SACM1L: variants seen among roughly 807,000 people sequenced by gnomAD.
SACM1L encodes SAC1 like phosphatidylinositide phosphatase, also known as phosphatidylinositol-3-phosphatase SAC1.
SACM1L carries 32 observed loss-of-function variants against 89.5 expected under a neutral mutation model. The observed-to-expected ratio is 0.36, with a 90% CI of 0.27 to 0.48. SACM1L has a LOEUF of 0.48. Ranked by LOEUF, SACM1L falls within the 20% of genes least tolerant of loss-of-function variation. The probability of loss-of-function intolerance (pLI) is 0.99; values close to 1 mark genes in which losing one functional copy is unlikely to be tolerated. For synonymous variants in SACM1L, 213 were observed against 232.8 expected, an observed-to-expected ratio of 0.92 and a Z score of 0.77; for missense variants, 543 against 708.5, an observed-to-expected ratio of 0.77 and a Z score of 2.65.
In SACM1L at chr3:45,744,399, A is replaced by G. The variant is rs1028440790; in HGVS notation, c.*730A>G. ...GAATGTAAAGTCTATCTCTTACGCT[A>G]GAGGTCCAAAGCTGCCTCTGTTTTA... is the stretch of plus-strand genomic sequence containing the variant. On this transcript the variant is annotated 3_prime_UTR_variant, in exon 20 of 20. Transcript: ENST00000389061. 3.3e-5 allele frequency: 5 copies of G among 152,676 alleles called. No homozygotes were observed. Among genetic ancestry groups the G allele is most frequent in the African/African-American group, 1.2e-4 (5 of 41,462 alleles). 9.5% of individuals were successfully genotyped at this position (152,676 alleles called of 1,614,324 possible).
At chr3:45,728,770 T>C (rs1200921256) in intron 11 of SACM1L, among the ~76,000 whole-genome samples, 1 of 152,184 alleles carries the variant, frequency 6.6e-6, no homozygotes, top group Non-Finnish European at 1.5e-5. Context: ...ACTCCTGGGC[T>C]GAAGGAATCC....
At chr3:45,689,574 C>T (rs1040213992) in intron 1 of SACM1L, 77 bp downstream of exon 1, 1 of 1,482,888 alleles carries the variant, frequency 6.7e-7, no homozygotes, top group African/African-American at 1.4e-5. Context: ...GGGAGGGCTT[C>T]TGAGTCCCGG....
intron 10 of SACM1L, among the ~76,000 whole-genome samples, 181 bp downstream of exon 10, chr3:45,723,136 A>C (rs1698827430): frequency 6.6e-6 from 1 of 152,216 alleles, no homozygotes; most frequent in Non-Finnish European, 1.5e-5. Context: ...GCATGTTAGA[A>C]ATATAGAAAA....
At chr3:45,722,156 T>C in intron 9 of SACM1L, 71 bp downstream of exon 9, 1 of 898,412 alleles carries the variant, frequency 1.1e-6, no homozygotes, top group South Asian at 1.6e-5. Context: ...TTCTGTCATG[T>C]TGAAATTTCC....
At chr3:45,719,405 C>G (rs1173144765) in intron 7 of SACM1L, 95 bp from the exon 8 acceptor site, 1 of 641,100 alleles carries the variant, frequency 1.6e-6, no homozygotes, top group African/African-American at 1.9e-5. Flanking sequence ...CATTTTTTCT[C>G]TTAAAGACCA....
At chr3:45,724,868 G>A (rs1455300625) in intron 11 of SACM1L, among the ~76,000 whole-genome samples, 2 of 152,048 alleles carry the variant, frequency 1.3e-5, no homozygotes, top group Non-Finnish European at 2.9e-5. Flanking sequence ...TTTTGTATAT[G>A]GTGTAGGTGT....
chr3:45,740,404 A>C (rs1474847544), intron 19 of SACM1L, among the ~76,000 whole-genome samples: 2 of 152,200 alleles, frequency 1.3e-5, no homozygotes, highest in African/African-American at 4.8e-5. Context: ...TTTGGGGCCC[A>C]CAAGGAATTT....
chr3:45,710,620 G>T (rs1056931395), intron 5 of SACM1L, among the ~76,000 whole-genome samples: 2 of 145,966 alleles, frequency 1.4e-5, no homozygotes, highest in African/African-American at 5.1e-5. Context: ...ATTTTTTTTT[G>T]ACACACCTTA....
At chr3:45,741,367 C>T (rs1463415579) in intron 19 of SACM1L, among the ~76,000 whole-genome samples, 1 of 152,206 alleles carries the variant, frequency 6.6e-6, no homozygotes, top group Admixed American at 6.5e-5. Context: ...GGTGGTATAC[C>T]TCTTTGGTGT....
intron 14 of SACM1L, 48 bp from the exon 15 acceptor site, chr3:45,737,535 C>G: frequency 1.3e-6 from 2 of 1,537,494 alleles, no homozygotes; most frequent in Middle Eastern, 1.8e-4. Context: ...TAAACCATGT[C>G]TGCTAAAATC....
At chr3:45,727,500 T>C (rs1217222069) in intron 11 of SACM1L, among the ~76,000 whole-genome samples, 3 of 152,230 alleles carry the variant, frequency 2.0e-5, no homozygotes, top group Admixed American at 1.3e-4. Flanking sequence ...TTGGGTACAG[T>C]AATATGGTCT....
rs1157736846 is a variant in SACM1L at position 45,721,736 on chromosome 3, T to C, written c.680-264T>C. 3.3e-5 allele frequency among the ~76,000 whole-genome samples: 5 copies of C among 152,322 alleles called. No individual in the cohort carries two copies. In the East Asian group the frequency reaches 7.7e-4, roughly 23 times the overall value. On this transcript the variant is annotated intron_variant, in intron 8 of 19. Transcript: ENST00000389061. ...CACTACTTTAGAGGAATTTTGTATG[T>C]AGAAACAATGTATTTAAGAGCAACC...
intron 4 of SACM1L, among the ~76,000 whole-genome samples, chr3:45,709,168 C>T (rs1008371651): frequency 6.6e-6 from 1 of 152,176 alleles, no homozygotes; most frequent in Non-Finnish European, 1.5e-5. Flanking sequence ...TTGGAAAATA[C>T]CTGGCACACA....
At chr3:45,735,858 AT>A (rs1472938182) in intron 14 of SACM1L, among the ~76,000 whole-genome samples, 1 of 152,056 alleles carries the variant, frequency 6.6e-6, no homozygotes, top group Admixed American at 6.6e-5. Flanking sequence ...AGCATTTGAT[AT>A]TTTAATTTTT....
intron 19 of SACM1L, among the ~76,000 whole-genome samples, chr3:45,741,739 T>G (rs1699320729): frequency 6.6e-6 from 1 of 152,244 alleles, no homozygotes; most frequent in African/African-American, 2.4e-5. Flanking sequence ...AAAATTTTTC[T>G]GTAAAGAGCC....
Position 45,737,612 on chromosome 3 carries a change from G to A in SACM1L, c.1269G>A (p.Lys423=). The A allele has an allele frequency of 6.3e-7, 1 of 1,595,882 alleles. No individual in the cohort carries two copies. The highest frequency in any genetic ancestry group is 8.5e-7 in the Non-Finnish European group (1 of 1,175,832). The stretch of plus-strand genomic sequence containing the variant: ...TAGGAGTTTTGCATGTGGGACAAAA[G>A]CTTGAAGAACAAGATGAATTTGAGA... ...QRLGVLHVGQ[K]LEEQDEFEKI... is the part of the protein sequence containing the mutation. Residue 423 remains lysine (K), a synonymous_variant, in exon 15 of 20, where the codon AAG becomes AAA. Coordinates refer to ENST00000389061, the MANE Select transcript of SACM1L (RefSeq NM_014016.5).
Position 45,709,604 on chromosome 3 carries a change from C to T in SACM1L, c.440C>T (p.Ser147Phe). 1 of 1,613,826 alleles carries T rather than the reference C, an allele frequency of 6.2e-7. No individual in the cohort carries two copies. The highest frequency in any genetic ancestry group is 8.5e-7 in the Non-Finnish European group (1 of 1,179,846). Residue 147 changes from serine to phenylalanine, a missense_variant, in exon 5 of 20, where the codon TCC becomes TTC. This residue lies in a region of SACM1L where 173 missense variants were observed against 180.9 expected (regional missense o/e 0.96). Transcript: ENST00000389061. ...TTGACCCATACTTTGCAGCGGCTAT[C>T]CAACACTAGTCCTGAATTCCAAGAA... is the stretch of plus-strand genomic sequence containing the variant. ...YDLTHTLQRL[S>F]NTSPEFQEMS...
rs144555585 is a variant in SACM1L, at chr3:45,704,352, G to A, written c.131-783G>A. On this transcript the variant is annotated intron_variant, in intron 2 of 19. Coordinates refer to ENST00000389061, the MANE Select transcript of SACM1L (RefSeq NM_014016.5). ...GAAAATATATTCCATGAGATAATGG[G>A]GTGTAAGACAAGTATGGCTATAAAA... 2.6e-5 allele frequency among the ~76,000 whole-genome samples: 4 copies of A among 152,190 alleles called. No individual in the cohort carries two copies. In the East Asian group the frequency reaches 5.8e-4, roughly 22 times the overall value.
chr3:45,706,108 T>C (rs1277612927), intron 3 of SACM1L, among the ~76,000 whole-genome samples: 1 of 152,182 alleles, frequency 6.6e-6, no homozygotes, highest in East Asian at 1.9e-4. Context: ...GACATGTACA[T>C]GGCAAAACTT....
Sources: gnomAD v4.1 joint callset for allele counts (sites outside exome capture counted in the v4.1 genomes callset) on GRCh38, gnomAD v4.1.1 for gene constraint, gnomAD v4.1.1 regional missense constraint, MANE v1.5 for transcripts, NCBI Gene and HGNC (gene_info 2026-07-23, HGNC 2026-07-21) for gene names.